Variants in LSAMP observed in about 807,000 individuals in gnomAD.
LSAMP encodes limbic system associated membrane protein.
Under a neutral mutation model 38.6 loss-of-function variants are expected in LSAMP, and 7 were observed. The observed-to-expected ratio is 0.18, with a 90% CI of 0.10 to 0.34. The LOEUF (loss-of-function observed/expected upper bound fraction) is 0.34, where lower values mean the gene tolerates loss of function less well. LSAMP is among the 10% of genes least tolerant of loss of function. The pLI, the probability that LSAMP is intolerant of heterozygous loss-of-function variation, is 1.00. For synonymous variants in LSAMP, 154 were observed against 166.8 expected, an observed-to-expected ratio of 0.92 and a Z score of 0.59; for missense variants, 313 against 420.0, an observed-to-expected ratio of 0.75 and a Z score of 2.23.
At chr3:116,165,243 T>G (rs1429489084) in intron 1 of LSAMP, among the ~76,000 whole-genome samples, 1 of 152,206 alleles carries the variant, frequency 6.6e-6, no homozygotes, top group East Asian at 1.9e-4. Context: ...TGCTGACCTC[T>G]CCCCAGACAC....
intron 1 of LSAMP, among the ~76,000 whole-genome samples, chr3:116,203,575 G>T (rs1280118397): frequency 8.5e-6 from 1 of 118,014 alleles, no homozygotes; most frequent in Non-Finnish European, 1.6e-5. Context: ...ACAGTCCCCA[G>T]AGTGTGATAT....
intron 1 of LSAMP, among the ~76,000 whole-genome samples, chr3:116,157,429 T>C (rs971721250): frequency 3.9e-5 from 6 of 152,134 alleles, no homozygotes; most frequent in African/African-American, 1.4e-4. Flanking sequence ...GCTGCAATCA[T>C]TGGTAACAAG....
Position 116,166,992 on chromosome 3 carries a change from C to G in LSAMP, c.156-80436G>C, listed in dbSNP as rs376157189. ...ATTTTTAGTAGAGACGGGGTTTCAC[C>G]GTGTTAGCCAGGATGGTCTTGATCT... On this transcript the variant is annotated intron_variant, in intron 1 of 6. Coordinates refer to ENST00000490035, the MANE Select transcript of LSAMP (RefSeq NM_002338.5). Among the ~76,000 whole-genome samples, 5 of 151,994 alleles carry G rather than the reference C, an allele frequency of 3.3e-5. No homozygotes were observed. The South Asian group carries it at 6.2e-4, about 19-fold the overall frequency.
At chr3:116,188,601 G>A (rs1414823654) in intron 1 of LSAMP, among the ~76,000 whole-genome samples, 1 of 152,102 alleles carries the variant, frequency 6.6e-6, no homozygotes, top group Non-Finnish European at 1.5e-5. Flanking sequence ...TGCTGGCCCT[G>A]CTAGATTCAC....
At chr3:115,826,681 G>A (rs868094917) in intron 6 of LSAMP, among the ~76,000 whole-genome samples, 14 of 152,134 alleles carry the variant, frequency 9.2e-5, no homozygotes, top group Admixed American at 2.0e-4. Context: ...GAATGGTGTC[G>A]TCAAGATATT....
intron 1 of LSAMP, among the ~76,000 whole-genome samples, chr3:116,246,918 A>T (rs2046612604): frequency 6.6e-6 from 1 of 152,104 alleles, no homozygotes; most frequent in Non-Finnish European, 1.5e-5. Context: ...GGGTCGAGAC[A>T]ATGTTCATTT....
intron 1 of LSAMP, among the ~76,000 whole-genome samples, chr3:116,291,444 C>T (rs560504988): frequency 5.3e-5 from 8 of 152,170 alleles, no homozygotes; most frequent in Non-Finnish European, 1.0e-4. Context: ...CCGTGGGTTT[C>T]GGTATCTTCA....
At chr3:115,926,458 G>A (rs1937501099) in intron 3 of LSAMP, among the ~76,000 whole-genome samples, 1 of 152,214 alleles carries the variant, frequency 6.6e-6, no homozygotes, top group South Asian at 2.1e-4. Flanking sequence ...CCAATAAAGT[G>A]TCATGAGAAC....
At chr3:116,019,348 C>T (rs576799300) in intron 3 of LSAMP, among the ~76,000 whole-genome samples, 167 bp downstream of exon 3, 1 of 152,238 alleles carries the variant, frequency 6.6e-6, no homozygotes, top group South Asian at 2.1e-4. Context: ...AAAAAAGTTG[C>T]CATTCTGTTA....
intron 6 of LSAMP, among the ~76,000 whole-genome samples, chr3:115,812,836 GAATGAT>G (rs912079198): frequency 6.6e-6 from 1 of 152,158 alleles, no homozygotes; most frequent in Non-Finnish European, 1.5e-5. Context: ...TCCTGGAGCT[GAATGAT>G]ATCTTGGGAA....
rs539378387 is a variant in LSAMP at position 116,047,570 on chromosome 3, A to G, written c.389-27930T>C. Among the ~76,000 whole-genome samples, 3 of 152,042 alleles carry G rather than the reference A, an allele frequency of 2.0e-5. No homozygotes were observed. In the South Asian group the frequency reaches 6.3e-4, roughly 32 times the overall value. On this transcript the variant is annotated intron_variant, in intron 2 of 6. Transcript: ENST00000490035. ...ACCTGTACATCCCAACCACTTCTACATGCATGCATCTCTTTCTTTTGATCC... is the reference window on the plus strand; with the variant it reads ...ACCTGTACATCCCAACCACTTCTACGTGCATGCATCTCTTTCTTTTGATCC...
intron 3 of LSAMP, among the ~76,000 whole-genome samples, chr3:115,906,655 C>T (rs1937014500): frequency 6.6e-6 from 1 of 152,108 alleles, no homozygotes; most frequent in Non-Finnish European, 1.5e-5. Flanking sequence ...TAAAGTAAAA[C>T]TAATAGTTTT....
At chr3:115,861,976 C>G (rs1935717754) in intron 3 of LSAMP, among the ~76,000 whole-genome samples, 1 of 152,136 alleles carries the variant, frequency 6.6e-6, no homozygotes, top group South Asian at 2.1e-4. Flanking sequence ...AAGAGCAAAA[C>G]TGAAAACAAA....
At chr3:116,149,386 C>A (rs1238959308) in intron 1 of LSAMP, among the ~76,000 whole-genome samples, 1 of 151,986 alleles carries the variant, frequency 6.6e-6, no homozygotes, top group Non-Finnish European at 1.5e-5. Flanking sequence ...TTGTTCCTGA[C>A]CATTAAACCT....
chr3:116,179,710 G>A (rs554566573), intron 1 of LSAMP, among the ~76,000 whole-genome samples: 15 of 152,128 alleles, frequency 9.9e-5, no homozygotes, highest in African/African-American at 3.4e-4. Flanking sequence ...ACAGCAAGGG[G>A]AAAATCTGGC....
intron 3 of LSAMP, among the ~76,000 whole-genome samples, chr3:115,993,312 GA>G (rs962427813): frequency 9.9e-5 from 15 of 151,982 alleles, no homozygotes; most frequent in East Asian, 3.9e-4. Flanking sequence ...TAAAGTGTTA[GA>G]AAAAAATTCA....
chr3:116,037,171 T>G (rs1371770809), intron 2 of LSAMP, among the ~76,000 whole-genome samples: 1 of 152,210 alleles, frequency 6.6e-6, no homozygotes, highest in Non-Finnish European at 1.5e-5. Context: ...CAGTTTCCCA[T>G]AGTGAAACAA....
intron 1 of LSAMP, among the ~76,000 whole-genome samples, chr3:116,391,732 G>A (rs2048701881): frequency 6.6e-6 from 1 of 152,216 alleles, no homozygotes; most frequent in Non-Finnish European, 1.5e-5. Context: ...TGGAGCATGG[G>A]GGCTGAGCCC....
At chr3:116,318,135 CAAAAAA>C (rs373392802) in intron 1 of LSAMP, among the ~76,000 whole-genome samples, 1 of 101,728 alleles carries the variant, frequency 9.8e-6, no homozygotes, top group Non-Finnish European at 1.9e-5. Context: ...GACTCCATCT[CAAAAAA>C]AAAAAAAAAA....
Sources: allele counts gnomAD v4.1 joint callset (sites outside exome capture counted in the v4.1 genomes callset), GRCh38; gene constraint gnomAD v4.1.1; transcripts MANE v1.5; gene names NCBI Gene and HGNC (gene_info 2026-07-23, HGNC 2026-07-21).